HAPLN1: variants seen among roughly 807,000 people sequenced by gnomAD.
The protein encoded by HAPLN1 is hyaluronan and proteoglycan link protein 1, also known as Cartilage link protein.
HAPLN1 carries 13 observed loss-of-function variants against 36.5 expected under a neutral mutation model. That is an observed-to-expected ratio of 0.36 (90% CI 0.23 to 0.57). The LOEUF is 0.57. HAPLN1 is among the 20% of genes least tolerant of loss of function. HAPLN1 has a pLI of 0.83. For synonymous variants in HAPLN1, 202 were observed against 169.8 expected (o/e 1.19, Z -1.48); for missense variants, 407 against 439.7 (o/e 0.93, Z 0.66).
intron 1 of HAPLN1, among the ~76,000 whole-genome samples, chr5:83,716,664 C>T (rs1380302569): frequency 1.3e-5 from 2 of 152,182 alleles, no homozygotes; most frequent in Admixed American, 6.5e-5. Flanking sequence ...CTGGTTTTCT[C>T]TTGTAAAGTT....
intron 2 of HAPLN1, among the ~76,000 whole-genome samples, chr5:83,670,483 C>T (rs544718650): frequency 6.6e-6 from 1 of 152,250 alleles, no homozygotes; most frequent in East Asian, 1.9e-4. Flanking sequence ...GTTTGCTTTC[C>T]TGTATGATCA....
At chr5:83,689,434 A>G (rs1751218462) in intron 1 of HAPLN1, among the ~76,000 whole-genome samples, 1 of 149,014 alleles carries the variant, frequency 6.7e-6, no homozygotes, top group Non-Finnish European at 1.5e-5. Flanking sequence ...GAACATTTTC[A>G]TTAATAAAAG....
rs565535890 is a variant in HAPLN1, at chr5:83,658,116, G to GA, written c.101-5293dup. ...TTGTCAGCTCCATAATGAATTATTT[G>GA]AAAAAAAAATGCACAAGGTTTTAAA... On this transcript the variant is annotated intron_variant, in intron 2 of 4. Coordinates refer to ENST00000274341, the MANE Select transcript of HAPLN1 (RefSeq NM_001884.4). Among the ~76,000 whole-genome samples, 161 of 150,302 alleles carry GA rather than the reference G, an allele frequency of 1.1e-3. 1 individual carries two copies. The highest frequency in any genetic ancestry group is 1.4e-3 in the Non-Finnish European group (93 of 67,516).
intron 2 of HAPLN1, among the ~76,000 whole-genome samples, chr5:83,653,269 A>C (rs536922410): frequency 6.6e-6 from 1 of 152,216 alleles, no homozygotes; most frequent in East Asian, 1.9e-4. Context: ...TTCTAATACA[A>C]GAAGTTTATA....
At chr5:83,697,860 C>G (rs992730514) in intron 1 of HAPLN1, among the ~76,000 whole-genome samples, 3 of 152,040 alleles carry the variant, frequency 2.0e-5, no homozygotes, top group Non-Finnish European at 4.4e-5. Flanking sequence ...CTATTCCGAT[C>G]TTTTGTCCAT....
chr5:83,655,530 G>C (rs904220345), intron 2 of HAPLN1, among the ~76,000 whole-genome samples: 5 of 151,810 alleles, frequency 3.3e-5, no homozygotes, highest in African/African-American at 1.2e-4. Flanking sequence ...GTGTGTGTGT[G>C]TGTGTGTGTG....
At chr5:83,677,331 A>G (rs1447393013) in intron 1 of HAPLN1, among the ~76,000 whole-genome samples, 1 of 152,186 alleles carries the variant, frequency 6.6e-6, no homozygotes, top group Non-Finnish European at 1.5e-5. Flanking sequence ...CCCAACTACC[A>G]TTACCATTGT....
At chr5:83,708,939 T>C (rs922578047) in intron 1 of HAPLN1, among the ~76,000 whole-genome samples, 2 of 152,286 alleles carry the variant, frequency 1.3e-5, no homozygotes, top group Non-Finnish European at 2.9e-5. Context: ...TGCAGCGGCG[T>C]GATCTCAGCT....
chr5:83,651,170 T>A (rs55996915), intron 3 of HAPLN1, among the ~76,000 whole-genome samples: 100,707 of 152,002 alleles, frequency 0.66, 34,492 homozygotes, highest in African/African-American at 0.84. Flanking sequence ...TAGAAGAAAA[T>A]GTAACAACAG....
chr5:83,662,319 CTGT>C (rs1408711062), intron 2 of HAPLN1, among the ~76,000 whole-genome samples: 7 of 152,154 alleles, frequency 4.6e-5, no homozygotes, highest in Non-Finnish European at 4.4e-5. Context: ...TAATTTATTA[CTGT>C]TGTTATCATT....
At chr5:83,707,382 A>T (rs763733413) in intron 1 of HAPLN1, among the ~76,000 whole-genome samples, 9 of 152,206 alleles carry the variant, frequency 5.9e-5, no homozygotes, top group Admixed American at 2.6e-4. Context: ...GTACAAAAAC[A>T]GGCACATAGT....
intron 4 of HAPLN1, among the ~76,000 whole-genome samples, chr5:83,643,015 T>C (rs1000286601): frequency 3.9e-5 from 6 of 152,130 alleles, no homozygotes; most frequent in Non-Finnish European, 8.8e-5. Flanking sequence ...ATATTTACTA[T>C]ATGGCCCTTT....
chr5:83,711,126 T>C (rs890556514), intron 1 of HAPLN1, among the ~76,000 whole-genome samples: 2 of 152,138 alleles, frequency 1.3e-5, no homozygotes, highest in East Asian at 3.9e-4. Context: ...AATATTATTC[T>C]ACAAAAAGGA....
chr5:83,650,171 A>G (rs1223927938), intron 3 of HAPLN1, among the ~76,000 whole-genome samples: 1 of 152,176 alleles, frequency 6.6e-6, no homozygotes, highest in Non-Finnish European at 1.5e-5. Flanking sequence ...ACAAACCCTT[A>G]AATCACAGTG....
In HAPLN1 at chr5:83,665,010, T is replaced by C. The variant is rs1430752807; in HGVS notation, c.100+8414A>G. On this transcript the variant is annotated intron_variant, in intron 2 of 4. Transcript: ENST00000274341. ...GATAAAAGACAAATCAAAATGAGGA[T>C]ATGAAAATAATCATATGCAGATTTT... 2.0e-5 allele frequency among the ~76,000 whole-genome samples: 3 copies of C among 152,340 alleles called. No individual in the cohort carries two copies. In the East Asian group the frequency reaches 5.8e-4, roughly 29 times the overall value.
chr5:83,701,903 G>A (rs1057196451), intron 1 of HAPLN1, among the ~76,000 whole-genome samples: 3 of 150,344 alleles, frequency 2.0e-5, no homozygotes, highest in Admixed American at 6.7e-5. Context: ...TCCACCTTGG[G>A]CGACAGAGCG....
At chr5:83,691,187 A>G (rs1430109150) in intron 1 of HAPLN1, among the ~76,000 whole-genome samples, 1 of 152,094 alleles carries the variant, frequency 6.6e-6, no homozygotes, top group Non-Finnish European at 1.5e-5. Flanking sequence ...AGCCTGTTCA[A>G]AAACTTGAGC....
In HAPLN1 at chr5:83,640,660, T is replaced by A. The variant is rs1749656961; in HGVS notation, c.*836A>T. 1 of 152,196 alleles carries A rather than the reference T, an allele frequency of 6.6e-6. No individual in the cohort carries two copies. Among genetic ancestry groups the A allele is most frequent in the South Asian group, 2.1e-4 (1 of 4,834 alleles). 9.4% of individuals were successfully genotyped at this position (152,196 alleles called of 1,614,324 possible). ...CAATTTTTCTGTCCAGCAGTTTATC[T>A]ATATAACTGCCCTGAGTAGATGCTA... On this transcript the variant is annotated 3_prime_UTR_variant, in exon 5 of 5. Transcript: ENST00000274341.
chr5:83,688,890 T>C (rs1246709722), intron 1 of HAPLN1, among the ~76,000 whole-genome samples: 1 of 152,084 alleles, frequency 6.6e-6, no homozygotes, highest in African/African-American at 2.4e-5. Flanking sequence ...CTGAAGACCA[T>C]GTCAATATGC....
Sources: allele counts gnomAD v4.1 joint callset (sites outside exome capture counted in the v4.1 genomes callset), GRCh38; gene constraint gnomAD v4.1.1; transcripts MANE v1.5; gene names NCBI Gene and HGNC (gene_info 2026-07-23, HGNC 2026-07-21).